The following PARP16 variants were observed in gnomAD, a reference collection of about 807,000 sequenced individuals.
PARP16 encodes the protein protein mono-ADP-ribosyltransferase PARP16.
Under a neutral mutation model 35.0 loss-of-function variants are expected in PARP16, and 31 were observed. That is an observed-to-expected ratio of 0.88 (90% CI 0.66 to 1.19). The LOEUF is 1.19. PARP16 is among the 50% of genes most tolerant of loss of function. PARP16 has a pLI of 0.00. For synonymous variants in PARP16, 162 were observed against 169.5 expected (o/e 0.96, Z 0.34); for missense variants, 424 against 411.2 (o/e 1.03, Z -0.27).
At chr15:65,245,713 G>A (rs1186821085) in intron 3 of PARP16, among the ~76,000 whole-genome samples, 1 of 152,110 alleles carries the variant, frequency 6.6e-6, no homozygotes, top group African/African-American at 2.4e-5. Context: ...CCCCTTGCAC[G>A]CTGCTGAGGG....
rs2088864827 is a variant in PARP16, at chr15:65,235,826, C to A, written c.*98-1003G>T. On this transcript the variant is annotated intron_variant and NMD_transcript_variant, in intron 3 of 3. Coordinates refer to the PARP16 transcript ENST00000559805. ...CTCCAGCCTGGGCGACAGAGTGAGA[C>A]CCTGTCTTAAAAAAAAAAAAAAATT... is the stretch of plus-strand genomic sequence containing the variant. Among the ~76,000 whole-genome samples the A allele has an allele frequency of 3.7e-5, 5 of 136,464 alleles. No homozygotes were observed. In the South Asian group the frequency reaches 9.2e-4, roughly 25 times the overall value. The allele number at this position is 136,464 out of a possible 152,430, so 89.5% of individuals were successfully genotyped here.
intron 3 of PARP16, among the ~76,000 whole-genome samples, chr15:65,244,102 C>G (rs945457455): frequency 2.6e-5 from 4 of 152,216 alleles, no homozygotes; most frequent in African/African-American, 9.6e-5. Flanking sequence ...AGATCTTCCA[C>G]AGGCTCTTTG....
In PARP16 at chr15:65,263,317, A is replaced by G. The variant is rs2089796546; in HGVS notation, c.523T>C (p.Ser175Pro). ...AGGTAGGTCCCCTCTCCGAACAAGG[A>G]TGTCTGCAACAGCAAGGCCAATGGA... Reference protein sequence around the residue: ...NGLHCHLNKTSLFGEGTYLTS... With the variant: ...NGLHCHLNKTPLFGEGTYLTS... Residue 175 changes from serine (S) to proline (P), a missense_variant, in exon 4 of 6, where the codon TCC becomes CCC. By Grantham distance (74) the Ser-to-Pro change is moderately conservative. Transcript: ENST00000649807. 2 of 1,582,528 alleles carry G rather than the reference A, an allele frequency of 1.3e-6. No individual in the cohort carries two copies. Among genetic ancestry groups the G allele is most frequent in the South Asian group, 1.1e-5 (1 of 87,240 alleles).
At chr15:65,265,502 G>C (rs566645448) in intron 3 of PARP16, among the ~76,000 whole-genome samples, 1 of 152,170 alleles carries the variant, frequency 6.6e-6, no homozygotes, top group Admixed American at 6.5e-5. Context: ...AATGCCTGCA[G>C]AGAAGTGGAT....
chr15:65,231,886 T>A (rs2088781813), downstream of PARP16, among the ~76,000 whole-genome samples: 1 of 152,234 alleles, frequency 6.6e-6, no homozygotes, highest in Non-Finnish European at 1.5e-5. Flanking sequence ...TTTTTATTTC[T>A]GCCTGCTGGT....
At position 65,259,603 on chromosome 15, in the gene PARP16, T is replaced by G; in HGVS notation, c.834-61A>C. The G allele has an allele frequency of 3.3e-6, 5 of 1,505,922 alleles. No individual in the cohort carries two copies. The South Asian group carries it at 5.7e-5, about 17-fold the overall frequency. 93.3% of individuals were successfully genotyped at this position (1,505,922 alleles called of 1,614,324 possible). ...AAGAGAAAAACATTTTTTTTAAGTG[T>G]GTACAACAAGTCTGGCTCTAAGAAG... On this transcript the variant is annotated intron_variant, in intron 5 of 5. Transcript: ENST00000649807.
chr15:65,267,677 A>AATTT (rs2089948524), intron 2 of PARP16, among the ~76,000 whole-genome samples: 2 of 90,368 alleles, frequency 2.2e-5, no homozygotes, highest in Non-Finnish European at 4.1e-5. Context: ...AATTTTCCTA[A>AATTT]CTTTTTTTTT....
chr15:65,277,923 A>G lies in PARP16; in HGVS notation c.175-6851T>C, dbSNP rs145523756. ...ATAGGGGTATGTGGAAGAAATCACC[A>G]TCTAGGCAAGCATTCTGAATCACAC... On this transcript the variant is annotated intron_variant, in intron 1 of 5. Coordinates refer to ENST00000649807, the MANE Select transcript of PARP16 (RefSeq NM_001316943.2). Among the ~76,000 whole-genome samples, 113 of 152,362 alleles carry G rather than the reference A, an allele frequency of 7.4e-4. 1 individual carries two copies. Among genetic ancestry groups the G allele is most frequent in the African/African-American group, 2.7e-3 (112 of 41,580 alleles).
intron 1 of PARP16, among the ~76,000 whole-genome samples, chr15:65,271,362 C>G (rs962175883): frequency 1.2e-4 from 18 of 152,056 alleles, no homozygotes; most frequent in African/African-American, 3.9e-4. Flanking sequence ...CAGCCTCTGC[C>G]TCCTAGGTTC....
rs1166728113 is a variant in PARP16, at chr15:65,286,327, A to C, written c.100T>G (p.Tyr34Asp). The change falls in exon 1 of 6, where the codon TAC becomes GAC. Residue 34 changes from tyrosine to aspartate, a missense_variant. Physicochemically the swap from Tyr to Asp is radical, Grantham distance 160. Coordinates refer to ENST00000649807, the MANE Select transcript of PARP16 (RefSeq NM_001316943.2). Reference protein sequence around the residue: ...CSLFASALQSYKRDSVLRPFP... With the variant: ...CSLFASALQSDKRDSVLRPFP... ...GGCCGCAGCACCGAGTCGCGCTTGT[A>C]GCTCTGCAGGGCCGAGGCGAAGAGG... 4 of 1,605,062 alleles carry C rather than the reference A, an allele frequency of 2.5e-6. No homozygotes were observed. The African/African-American group carries it at 5.4e-5, about 22-fold the overall frequency.
chr15:65,280,212 G>A (rs1035821090), intron 1 of PARP16, among the ~76,000 whole-genome samples: 2 of 151,942 alleles, frequency 1.3e-5, no homozygotes, highest in African/African-American at 2.4e-5. Flanking sequence ...TGAGACAGGC[G>A]GATTGCTTGA....
chr15:65,266,532 C>G (rs1361377765), intron 3 of PARP16, 30 bp downstream of exon 3: 1 of 1,555,634 alleles, frequency 6.4e-7, no homozygotes, highest in Non-Finnish European at 8.9e-7. Context: ...CCTGCTTCCC[C>G]ACATCAGCAG....
chr15:65,280,727 G>A (rs1188432057), intron 1 of PARP16, among the ~76,000 whole-genome samples: 1 of 152,120 alleles, frequency 6.6e-6, no homozygotes, highest in Non-Finnish European at 1.5e-5. Context: ...GGACAGAGAG[G>A]AGCTTATATG....
intron 2 of PARP16, among the ~76,000 whole-genome samples, chr15:65,269,686 T>A (rs992438818): frequency 6.6e-6 from 1 of 152,204 alleles, no homozygotes; most frequent in African/African-American, 2.4e-5. Flanking sequence ...TACTATAATA[T>A]CCTTTTATAA....
intron 4 of PARP16, among the ~76,000 whole-genome samples, chr15:65,262,195 T>C (rs1467143368): frequency 6.6e-6 from 1 of 150,594 alleles, no homozygotes; most frequent in African/African-American, 2.4e-5. Flanking sequence ...TGTAGTGGCA[T>C]GATGTTGGAT....
At chr15:65,255,870 C>G (rs1015476899), downstream of PARP16, among the ~76,000 whole-genome samples, 1 of 151,904 alleles carries the variant, frequency 6.6e-6, no homozygotes, top group Non-Finnish European at 1.5e-5. Context: ...CAGAGTCAAG[C>G]CAAAGCAGGG....
In PARP16 at chr15:65,271,650, A is replaced by G. The variant is rs572057995; in HGVS notation, c.175-578T>C. 7.9e-5 allele frequency among the ~76,000 whole-genome samples: 12 copies of G among 152,154 alleles called. No homozygotes were observed. In the East Asian group the frequency reaches 2.3e-3, roughly 29 times the overall value. On this transcript the variant is annotated intron_variant, in intron 1 of 5. Transcript: ENST00000649807. ...CTGATGTGAGGTTTAATCTTTACCT[A>G]TCCCCTTCCTGTTAGTATCAGTGCA...
At chr15:65,261,694 G>A (rs1050148307) in intron 4 of PARP16, among the ~76,000 whole-genome samples, 1 of 152,028 alleles carries the variant, frequency 6.6e-6, no homozygotes, top group Non-Finnish European at 1.5e-5. Flanking sequence ...GACACCTCAG[G>A]TGATCAGCCT....
At chr15:65,239,750 A>G (rs578122237) in intron 3 of PARP16, among the ~76,000 whole-genome samples, 2 of 145,272 alleles carry the variant, frequency 1.4e-5, no homozygotes, top group Non-Finnish European at 3.0e-5. Flanking sequence ...TCCGCCTCCC[A>G]GGTTCACGCC....
Sources: gnomAD v4.1 joint callset for allele counts (sites outside exome capture counted in the v4.1 genomes callset) on GRCh38, gnomAD v4.1.1 for gene constraint, MANE v1.5 for transcripts, NCBI Gene and HGNC (gene_info 2026-07-23, HGNC 2026-07-21) for gene names.